Variants in RALGPS1 observed in about 807,000 individuals in gnomAD.
RALGPS1 encodes the protein Ral GEF with PH domain and SH3 binding motif 1.
Under a neutral mutation model 78.8 loss-of-function variants are expected in RALGPS1, and 19 were observed. That is an observed-to-expected ratio of 0.24 (90% CI 0.17 to 0.35). The LOEUF (loss-of-function observed/expected upper bound fraction) is 0.35, where lower values mean the gene tolerates loss of function less well. RALGPS1 is among the 10% of genes least tolerant of loss of function. RALGPS1 has a pLI of 1.00. For synonymous variants in RALGPS1, 228 were observed against 256.3 expected (o/e 0.89, Z 1.06); for missense variants, 454 against 688.3 (o/e 0.66, Z 3.81).
intron 8 of RALGPS1, among the ~76,000 whole-genome samples, chr9:127,112,367 C>A (rs2054916593): frequency 6.6e-6 from 1 of 152,242 alleles, no homozygotes; most frequent in Admixed American, 6.5e-5. Flanking sequence ...GGCAGGCCTG[C>A]TGGGCCAACG....
chr9:127,131,068 G>A (rs1272935893), intron 8 of RALGPS1, among the ~76,000 whole-genome samples: 7 of 152,162 alleles, frequency 4.6e-5, no homozygotes, highest in Admixed American at 3.3e-4. Context: ...ACTATTGGCC[G>A]CTCCTTGGTG....
At chr9:127,169,531 GACTA>G (rs767166784) in intron 10 of RALGPS1, among the ~76,000 whole-genome samples, 11 of 152,048 alleles carry the variant, frequency 7.2e-5, no homozygotes, top group South Asian at 4.2e-4. Flanking sequence ...GCTTGATTGA[GACTA>G]ACTAAGAACC....
chr9:126,922,593 A>G (rs188943171), intron 1 of RALGPS1, among the ~76,000 whole-genome samples: 1 of 152,230 alleles, frequency 6.6e-6, no homozygotes, highest in African/African-American at 2.4e-5. Flanking sequence ...GCATCTGTTT[A>G]TTTTTTCCTT....
At position 126,965,028 on chromosome 9, in the gene RALGPS1, GTTAAA is replaced by G. The variant is rs1354545314; in HGVS notation, c.58-810_58-806del. Among the ~76,000 whole-genome samples, 3 of 152,230 alleles carry G rather than the reference GTTAAA, an allele frequency of 2.0e-5. No individual in the cohort carries two copies. In the East Asian group the frequency reaches 5.8e-4, roughly 29 times the overall value. Reference sequence around the variant, plus strand: ...GGTAAGCTTGATTGAGCTTGATGAAGTTAAATTAAAGAGAAAGTATATTCAACATT... The same window carrying G: ...GGTAAGCTTGATTGAGCTTGATGAAGTTAAAGAGAAAGTATATTCAACATT... On this transcript the variant is annotated intron_variant, in intron 2 of 18. Coordinates refer to ENST00000259351, the MANE Select transcript of RALGPS1 (RefSeq NM_014636.3).
At chr9:127,203,517 G>C (rs150233793) in intron 14 of RALGPS1, among the ~76,000 whole-genome samples, 1 of 145,274 alleles carries the variant, frequency 6.9e-6, no homozygotes, top group Non-Finnish European at 1.6e-5. Context: ...CGTAGGGGAT[G>C]GGGGGGTCCT....
chr9:127,017,111 A>G (rs1048817723), intron 4 of RALGPS1: 4 of 152,250 alleles, frequency 2.6e-5, no homozygotes, highest in African/African-American at 9.6e-5. Context: ...TGAAAAGATA[A>G]TATCTTGGAT....
intron 4 of RALGPS1, among the ~76,000 whole-genome samples, chr9:127,011,252 A>T (rs1241139514): frequency 6.6e-6 from 1 of 151,670 alleles, no homozygotes; most frequent in Non-Finnish European, 1.5e-5. Flanking sequence ...ACCTCGGCTC[A>T]CTGCAACCTC....
At chr9:127,061,139 G>T (rs754629538) in intron 7 of RALGPS1, among the ~76,000 whole-genome samples, 7 of 152,116 alleles carry the variant, frequency 4.6e-5, no homozygotes, top group Non-Finnish European at 8.8e-5. Context: ...GGACATAATA[G>T]ACGCATTTTG....
At position 127,146,542 on chromosome 9, in the gene RALGPS1, C is replaced by CTT. The variant is rs60707997; in HGVS notation, c.611-19510_611-19509dup. ...GTGATGAACATGTGAGTGCATGTGTCTTTTTTTTTTTTTTTTTTGACTCAG... is the reference window on the plus strand; with the variant it reads ...GTGATGAACATGTGAGTGCATGTGTCTTTTTTTTTTTTTTTTTTTTGACTCAG... On this transcript the variant is annotated intron_variant, in intron 8 of 18. Coordinates refer to ENST00000259351, the MANE Select transcript of RALGPS1 (RefSeq NM_014636.3). 1.6e-4 allele frequency among the ~76,000 whole-genome samples: 21 copies of CTT among 130,824 alleles called. 1 individual carries two copies. Among genetic ancestry groups the CTT allele is most frequent in the African/African-American group, 6.0e-4 (21 of 35,168 alleles). 85.8% of individuals were successfully genotyped at this position (130,824 alleles called of 152,430 possible).
chr9:127,163,386 T>C (rs1185469696), intron 8 of RALGPS1, among the ~76,000 whole-genome samples: 1 of 152,164 alleles, frequency 6.6e-6, no homozygotes, highest in Non-Finnish European at 1.5e-5. Context: ...AAAGAATAAA[T>C]CTGTGGATTC....
At chr9:127,090,591 A>G (rs1432335355) in intron 8 of RALGPS1, among the ~76,000 whole-genome samples, 1 of 152,158 alleles carries the variant, frequency 6.6e-6, no homozygotes, top group Non-Finnish European at 1.5e-5. Context: ...GATCCCCTCC[A>G]CCTTAGTATG....
At chr9:126,915,703 C>G (rs1294653944) in intron 1 of RALGPS1, among the ~76,000 whole-genome samples, 1 of 149,970 alleles carries the variant, frequency 6.7e-6, no homozygotes, top group African/African-American at 2.5e-5. Context: ...TGCTACGCCG[C>G]GCCCTAAGTG....
At chr9:126,970,373 T>C (rs184503392) in intron 3 of RALGPS1, among the ~76,000 whole-genome samples, 5 of 152,260 alleles carry the variant, frequency 3.3e-5, no homozygotes, top group East Asian at 1.9e-4. Context: ...AAGTTGTCAA[T>C]AGGTATTTGC....
Position 127,039,752 on chromosome 9 carries a change from G to C in RALGPS1, c.300+5238G>C, listed in dbSNP as rs1190323870. 2.6e-5 allele frequency among the ~76,000 whole-genome samples: 4 copies of C among 152,118 alleles called. No individual in the cohort carries two copies. In the East Asian group the frequency reaches 7.7e-4, roughly 29 times the overall value. On this transcript the variant is annotated intron_variant, in intron 5 of 18. Transcript: ENST00000259351. Reference sequence around the variant, plus strand: ...TTTGTAGGTGCAATACAAGGAGAGTGATGGCTTTTCTTCGTCAGTGAAATG... The same window carrying C: ...TTTGTAGGTGCAATACAAGGAGAGTCATGGCTTTTCTTCGTCAGTGAAATG...
chr9:127,115,057 A>G (rs1283308195), intron 8 of RALGPS1, among the ~76,000 whole-genome samples: 1 of 152,184 alleles, frequency 6.6e-6, no homozygotes, highest in Non-Finnish European at 1.5e-5. Context: ...ATTGCTAATA[A>G]TGGCTGTCGT....
chr9:127,051,889 C>T (rs2048329789), intron 6 of RALGPS1, among the ~76,000 whole-genome samples: 1 of 152,108 alleles, frequency 6.6e-6, no homozygotes, highest in African/African-American at 2.4e-5. Context: ...GGGACACAGT[C>T]AGGAAAGACA....
chr9:127,053,335 A>G lies in RALGPS1; in HGVS notation c.483+396A>G, dbSNP rs1283508083. Among the ~76,000 whole-genome samples the G allele has an allele frequency of 2.0e-5, 3 of 152,126 alleles. No homozygotes were observed. The East Asian group carries it at 5.8e-4, about 29-fold the overall frequency. On this transcript the variant is annotated intron_variant, in intron 7 of 18. Transcript: ENST00000259351. ...GCCCTGGGTCACTAGCCATACCGCT[A>G]AGTTTCTCTGGAGAAACCTGTGACC...
intron 4 of RALGPS1, among the ~76,000 whole-genome samples, chr9:127,022,935 G>A (rs973108322): frequency 6.6e-6 from 1 of 152,238 alleles, no homozygotes; most frequent in Non-Finnish European, 1.5e-5. Context: ...ATGAAAGTAA[G>A]AGCATGTTTG....
At chr9:127,060,424 C>T (rs1199342388) in intron 7 of RALGPS1, among the ~76,000 whole-genome samples, 1 of 152,140 alleles carries the variant, frequency 6.6e-6, no homozygotes, top group Non-Finnish European at 1.5e-5. Context: ...GGGCTTACCT[C>T]TTACAATGAG....
Sources: allele counts gnomAD v4.1 joint callset (sites outside exome capture counted in the v4.1 genomes callset), GRCh38; gene constraint gnomAD v4.1.1; transcripts MANE v1.5; gene names NCBI Gene and HGNC (gene_info 2026-07-23, HGNC 2026-07-21).